Variants in MBOAT1 observed in about 807,000 individuals in gnomAD.
MBOAT1 encodes membrane-bound glycerophospholipid O-acyltransferase 1.
A neutral mutation model predicts 64.4 loss-of-function variants in MBOAT1; 67 were observed. The ratio of observed to expected loss-of-function variants is 1.04; its 90% CI spans 0.85 to 1.27. MBOAT1 has a LOEUF of 1.27. Ranked by LOEUF, MBOAT1 falls within the 50% of genes most tolerant of loss-of-function variation. MBOAT1 has a pLI of 0.00. For synonymous variants in MBOAT1, 229 were observed against 218.9 expected, an observed-to-expected ratio of 1.05 and a Z score of -0.41; for missense variants, 563 against 604.6, an observed-to-expected ratio of 0.93 and a Z score of 0.72.
intron 1 of MBOAT1, among the ~76,000 whole-genome samples, chr6:20,182,596 G>A (rs535154954): frequency 1.2e-4 from 18 of 152,206 alleles, no homozygotes; most frequent in Non-Finnish European, 2.5e-4. Flanking sequence ...TCTCCCAGGC[G>A]AGCAATGCCT....
At chr6:20,190,641 T>C (rs1762777049) in intron 1 of MBOAT1, among the ~76,000 whole-genome samples, 1 of 151,912 alleles carries the variant, frequency 6.6e-6, no homozygotes, top group Admixed American at 6.6e-5. Context: ...AATCTATTCC[T>C]CTACTGCTTC....
intron 6 of MBOAT1, among the ~76,000 whole-genome samples, chr6:20,128,013 A>C (rs1005531860): frequency 6.6e-6 from 1 of 152,110 alleles, no homozygotes; most frequent in Non-Finnish European, 1.5e-5. Flanking sequence ...GGAATGAAGA[A>C]GTCAATCTCC....
intron 1 of MBOAT1, among the ~76,000 whole-genome samples, chr6:20,175,147 GA>G (rs1334062297): frequency 1.3e-5 from 2 of 151,644 alleles, no homozygotes; most frequent in Non-Finnish European, 2.9e-5. Context: ...TCCCACAAAA[GA>G]AAAAAAATTT....
chr6:20,149,731 A>G (rs1444304626), intron 3 of MBOAT1, among the ~76,000 whole-genome samples: 1 of 152,204 alleles, frequency 6.6e-6, no homozygotes, highest in African/African-American at 2.4e-5. Context: ...ATGTAAAAGC[A>G]GAAAAAAATA....
intron 4 of MBOAT1, among the ~76,000 whole-genome samples, chr6:20,140,373 TG>T (rs1761134239): frequency 6.6e-6 from 1 of 152,248 alleles, no homozygotes; most frequent in South Asian, 2.1e-4. Flanking sequence ...TCAACTTGAC[TG>T]GGCTCAGGGA....
Position 20,151,240 on chromosome 6 carries a change from G to A in MBOAT1, c.268C>T (p.Leu90=), listed in dbSNP as rs770455789. The A allele has an allele frequency of 4.3e-6, 7 of 1,612,662 alleles. No individual in the cohort carries two copies. The African/African-American group carries it at 8.0e-5, about 18-fold the overall frequency. The change falls in exon 3 of 13, where the codon CTG becomes TTG. Residue 90 remains leucine, a synonymous_variant. Coordinates refer to ENST00000324607, the MANE Select transcript of MBOAT1 (RefSeq NM_001080480.3). ...FGWYSVHLFV[L]VLMCYAIMVT... ...ATGATTGCATAGCACATTAACACCA[G>A]CACAAAAAGATGCACAGAGTACCTT...
intron 1 of MBOAT1, among the ~76,000 whole-genome samples, chr6:20,155,881 T>A (rs888768909): frequency 2.0e-5 from 3 of 152,208 alleles, no homozygotes; most frequent in Non-Finnish European, 4.4e-5. Flanking sequence ...GAACACCTTA[T>A]AAAAGTTTTC....
In MBOAT1 at chr6:20,101,733, T is replaced by C. The variant is rs1759792339; in HGVS notation, c.*553A>G. Among the ~76,000 whole-genome samples, 1 of 152,198 alleles carries C rather than the reference T, an allele frequency of 6.6e-6. No individual in the cohort carries two copies. The highest frequency in any genetic ancestry group is 1.5e-5 in the Non-Finnish European group (1 of 68,044). On this transcript the variant is annotated 3_prime_UTR_variant, in exon 13 of 13. Transcript: ENST00000324607. The stretch of plus-strand genomic sequence containing the variant: ...GTCTCTGCAGCTCTGGCACATTCTC[T>C]ACACATCGCCACACCACTCAAATGT...
intron 8 of MBOAT1, among the ~76,000 whole-genome samples, chr6:20,122,243 T>C (rs547431195): frequency 2.2e-4 from 33 of 152,318 alleles, no homozygotes; most frequent in Admixed American, 1.8e-3. Context: ...GCAGGTCTAA[T>C]GCCTACCTGC....
chr6:20,212,259 C>T lies in MBOAT1; in HGVS notation c.-25G>A, dbSNP rs372094294. ...TCCTGCATCTTCGGGAGGTGGCTGC[C>T]CCTGTCCCAGCCCGCAACACCCCCT... On this transcript the variant is annotated 5_prime_UTR_variant, in exon 1 of 13. Coordinates refer to ENST00000324607, the MANE Select transcript of MBOAT1 (RefSeq NM_001080480.3). 11 of 1,599,770 alleles carry T rather than the reference C, an allele frequency of 6.9e-6. No homozygotes were observed. In the East Asian group the frequency reaches 9.0e-5, roughly 13 times the overall value.
chr6:20,109,835 C>A, intron 11 of MBOAT1, 86 bp from the exon 12 acceptor site: 2 of 1,321,390 alleles, frequency 1.5e-6, no homozygotes, highest in South Asian at 1.6e-5. Flanking sequence ...TAGTATGCCA[C>A]AGGAACATGG....
At chr6:20,134,325 T>G (rs1218893225) in intron 4 of MBOAT1, among the ~76,000 whole-genome samples, 1 of 152,038 alleles carries the variant, frequency 6.6e-6, no homozygotes, top group East Asian at 1.9e-4. Context: ...TCTGTACCAT[T>G]GGGTCTATGT....
rs1385408168 is a variant in MBOAT1, at chr6:20,109,627, C to T, written c.1332G>A (p.Leu444=). Residue 444 remains leucine, a synonymous_variant, in exon 12 of 13, where the codon TTG becomes TTA. Coordinates refer to ENST00000324607, the MANE Select transcript of MBOAT1 (RefSeq NM_001080480.3). The stretch of plus-strand genomic sequence containing the variant: ...ATAAGCTGATGGTCGGTTCAACTGC[C>T]AACATCACAAAGGGTGCTACCGTGT... ...VSYTVAPFVM[L]AVEPTISLYK... is the part of the protein sequence containing the mutation. 1.2e-6 allele frequency: 2 copies of T among 1,613,716 alleles called. No individual in the cohort carries two copies. Among genetic ancestry groups the T allele is most frequent in the South Asian group, 1.1e-5 (1 of 91,050 alleles).
chr6:20,111,877 T>TACATATATATACATATATATAC (rs1204943478), intron 11 of MBOAT1, among the ~76,000 whole-genome samples: 23 of 136,874 alleles, frequency 1.7e-4, no homozygotes, highest in Middle Eastern at 3.6e-3. Flanking sequence ...TACATATATA[T>TACATATATATACATATATATAC]ATGTATATAT....
intron 1 of MBOAT1, among the ~76,000 whole-genome samples, chr6:20,199,553 C>T (rs1361580266): frequency 6.6e-6 from 1 of 152,208 alleles, no homozygotes; most frequent in Non-Finnish European, 1.5e-5. Context: ...TTTGTAAACT[C>T]CCAGTCTGCA....
intron 12 of MBOAT1, among the ~76,000 whole-genome samples, chr6:20,105,478 G>A (rs868835752): frequency 4.6e-5 from 7 of 152,146 alleles, no homozygotes; most frequent in African/African-American, 1.7e-4. Context: ...AAATTCTAAC[G>A]TTCTGGCCAG....
intron 5 of MBOAT1, among the ~76,000 whole-genome samples, chr6:20,130,447 G>A (rs530525794): frequency 4.6e-5 from 7 of 152,012 alleles, no homozygotes; most frequent in Non-Finnish European, 8.8e-5. Context: ...TCTGCCTCCC[G>A]GGTTCAAGCG....
At chr6:20,104,509 T>C (rs1435857774) in intron 12 of MBOAT1, among the ~76,000 whole-genome samples, 1 of 152,242 alleles carries the variant, frequency 6.6e-6, no homozygotes, top group African/African-American at 2.4e-5. Flanking sequence ...GTATGCACAA[T>C]GTAGATATCC....
At chr6:20,150,837 C>T (rs1761472639) in intron 3 of MBOAT1, among the ~76,000 whole-genome samples, 4 of 151,946 alleles carry the variant, frequency 2.6e-5, no homozygotes, top group Admixed American at 2.6e-4. Context: ...CCACCTCTGC[C>T]TCCCAAAGTG....
Sources: allele counts gnomAD v4.1 joint callset (sites outside exome capture counted in the v4.1 genomes callset), GRCh38; gene constraint gnomAD v4.1.1; transcripts MANE v1.5; gene names NCBI Gene and HGNC (gene_info 2026-07-23, HGNC 2026-07-21).